ILDR2: variants seen among roughly 807,000 people sequenced by gnomAD.
The protein encoded by ILDR2 is immunoglobulin like domain containing receptor 2.
A neutral mutation model predicts 66.8 loss-of-function variants in ILDR2; 25 were observed. The ratio of observed to expected loss-of-function variants is 0.37; its 90% CI spans 0.27 to 0.52. The LOEUF (loss-of-function observed/expected upper bound fraction) is 0.52. ILDR2 is among the 20% of genes least tolerant of loss of function. The pLI, the probability that ILDR2 is intolerant of heterozygous loss-of-function variation, is 0.88. For synonymous variants in ILDR2, 367 were observed against 357.2 expected (o/e 1.03, Z -0.31); for missense variants, 827 against 876.8 (o/e 0.94, Z 0.72).
chr1:166,966,740 A>G (rs1662977385), intron 1 of ILDR2, among the ~76,000 whole-genome samples: 1 of 152,206 alleles, frequency 6.6e-6, no homozygotes, highest in Non-Finnish European at 1.5e-5. Flanking sequence ...AATGGGACAA[A>G]GCAGTGCTAA....
intron 4 of ILDR2, 47 bp downstream of exon 4, chr1:166,939,467 T>G (rs1344917712): frequency 6.7e-7 from 1 of 1,498,600 alleles, no homozygotes; most frequent in East Asian, 2.3e-5. Context: ...GCAAGACAGA[T>G]GGAATAACAG....
intron 6 of ILDR2, 61 bp from the exon 7 acceptor site, chr1:166,927,241 C>T: frequency 2.9e-6 from 3 of 1,051,570 alleles, no homozygotes; most frequent in Non-Finnish European, 4.3e-6. Context: ...AAGGAGGCCT[C>T]CATTTATTTT....
intron 3 of ILDR2, among the ~76,000 whole-genome samples, chr1:166,955,787 A>G (rs1173717861): frequency 1.3e-5 from 2 of 152,312 alleles, no homozygotes; most frequent in South Asian, 2.1e-4. Context: ...TATATAGGGT[A>G]CAAATCTACC....
Position 166,936,858 on chromosome 1 carries a change from T to C in ILDR2, c.557-121A>G, listed in dbSNP as rs1165215696. 5 of 921,014 alleles carry C rather than the reference T, an allele frequency of 5.4e-6. No homozygotes were observed. Among genetic ancestry groups the C allele is most frequent in the Non-Finnish European group, 8.4e-6 (5 of 594,608 alleles). The allele number at this position is 921,014 out of a possible 1,614,324, so 57.1% of individuals were successfully genotyped here. ...GGAGGGACCTAGGGAAGAAAGCTTC[T>C]CTTAACAGGAGACAGAGCCCCAACA... On this transcript the variant is annotated intron_variant, in intron 4 of 9. Coordinates refer to ENST00000271417, the MANE Select transcript of ILDR2 (RefSeq NM_199351.3). The surrounding 1 kb of genome is among the most constrained non-coding windows in gnomAD (Gnocchi z 5.0).
intron 1 of ILDR2, among the ~76,000 whole-genome samples, chr1:166,968,600 C>G (rs1663099962): frequency 6.6e-6 from 1 of 152,036 alleles, no homozygotes; most frequent in African/African-American, 2.4e-5. Flanking sequence ...TGCATTGGTC[C>G]CTGTAGGCAG....
chr1:166,919,094 T>C lies in ILDR2; in HGVS notation c.*261A>G, dbSNP rs1008325002. 2.7e-5 allele frequency: 14 copies of C among 517,160 alleles called. No individual in the cohort carries two copies. The highest frequency in any genetic ancestry group is 9.8e-5 in the Admixed American group (3 of 30,608). The allele number at this position is 517,160 out of a possible 1,614,324, so 32.0% of individuals were successfully genotyped here. ...GGAGGAGGCTGGGCAGGATAAACGCTATAGTTGAGAAACTCTGTATGTAGG... is the reference window on the plus strand; with the variant it reads ...GGAGGAGGCTGGGCAGGATAAACGCCATAGTTGAGAAACTCTGTATGTAGG... On this transcript the variant is annotated 3_prime_UTR_variant, in exon 10 of 10. Transcript: ENST00000271417.
intron 3 of ILDR2, among the ~76,000 whole-genome samples, chr1:166,946,475 G>GTTGGTTT (rs1661618657): frequency 6.8e-6 from 1 of 147,126 alleles, no homozygotes; most frequent in Non-Finnish European, 1.5e-5. Flanking sequence ...ATGCTTTGAG[G>GTTGGTTT]TTGGTTTTTT....
Position 166,922,456 on chromosome 1 carries a change from G to A in ILDR2, c.1211+137C>T, listed in dbSNP as rs1571106258. ...AATGTGAGATGTTCAATATCCTGTA[G>A]AAAGAGAGATGTGTCAGGATAACCT... On this transcript the variant is annotated intron_variant, in intron 8 of 9. Transcript: ENST00000271417. 4.4e-5 allele frequency: 31 copies of A among 708,172 alleles called. No individual in the cohort carries two copies. In the East Asian group the frequency reaches 7.6e-4, roughly 17 times the overall value. The allele number at this position is 708,172 out of a possible 1,614,324, so 43.9% of individuals were successfully genotyped here.
chr1:166,906,759 G>T (rs1350896117), downstream of ILDR2, among the ~76,000 whole-genome samples: 1 of 152,204 alleles, frequency 6.6e-6, no homozygotes, highest in African/African-American at 2.4e-5. Flanking sequence ...TGAGTTTTCT[G>T]CTTAGGAAAC....
chr1:166,971,140 C>T (rs1663265027), intron 1 of ILDR2, among the ~76,000 whole-genome samples: 2 of 152,170 alleles, frequency 1.3e-5, no homozygotes, highest in Non-Finnish European at 2.9e-5. Flanking sequence ...CTCCAGAGTA[C>T]AGATCTTTAT....
At chr1:166,944,101 A>G (rs1661477534) in intron 3 of ILDR2, among the ~76,000 whole-genome samples, 2 of 152,218 alleles carry the variant, frequency 1.3e-5, no homozygotes, top group African/African-American at 4.8e-5. Flanking sequence ...AGAGCTAAAC[A>G]CATTCACACG....
In ILDR2 at chr1:166,965,581, TG is replaced by T. The variant is rs780163841; in HGVS notation, c.47-7481del. ...TCAAGTTAGGTTTTGTTTTTTTTTT[TG>T]TTTTTTTTTTGACAGGGTCTCTCTC... On this transcript the variant is annotated intron_variant, in intron 1 of 9. Transcript: ENST00000271417. 4.6e-3 allele frequency among the ~76,000 whole-genome samples: 674 copies of T among 146,404 alleles called. 48 individuals carry two copies. Among genetic ancestry groups the T allele is most frequent in the African/African-American group, 0.016 (610 of 38,996 alleles).
At chr1:166,943,409 G>A (rs540138497) in intron 3 of ILDR2, among the ~76,000 whole-genome samples, 9 of 147,616 alleles carry the variant, frequency 6.1e-5, no homozygotes, top group African/African-American at 1.0e-4. Context: ...GGAGAATGGC[G>A]TAAACCCGGG....
At chr1:166,964,399 C>A (rs1488808236) in intron 1 of ILDR2, among the ~76,000 whole-genome samples, 1 of 152,140 alleles carries the variant, frequency 6.6e-6, no homozygotes, top group East Asian at 1.9e-4. Flanking sequence ...TTGAGAAATT[C>A]AATATAAAGT....
intron 1 of ILDR2, among the ~76,000 whole-genome samples, chr1:166,958,442 C>T (rs1321105843): frequency 6.6e-6 from 1 of 152,028 alleles, no homozygotes; most frequent in Non-Finnish European, 1.5e-5. Flanking sequence ...TGGTACTTCC[C>T]CCTTCACTCT....
At chr1:166,896,937 CT>C (rs1659177252) in intron 2 of ILDR2, among the ~76,000 whole-genome samples, 3 of 152,196 alleles carry the variant, frequency 2.0e-5, no homozygotes, top group South Asian at 4.1e-4. Flanking sequence ...GCCCAGCCTA[CT>C]TTTTTTACTT....
intron 3 of ILDR2, chr1:166,943,878 G>A (rs1661462296): frequency 1.0e-6 from 1 of 981,034 alleles, no homozygotes; most frequent in Non-Finnish European, 1.2e-6. Context: ...CCTGCAAATA[G>A]AAGGCCACAT....
At chr1:166,924,969 T>C (rs942437747) in intron 7 of ILDR2, among the ~76,000 whole-genome samples, 2 of 152,142 alleles carry the variant, frequency 1.3e-5, no homozygotes, top group Non-Finnish European at 2.9e-5. Context: ...TGAGCTGTGT[T>C]TGCGCCACTG....
Position 166,935,380 on chromosome 1 carries a change from G to T in ILDR2, c.801C>A (p.Ala267=). ...YSIPSVPLGG[A]PSSGMLMDKP... is the part of the protein sequence containing the mutation. ...TGTCCATCAGCATGCCAGATGAGGG[G>T]GCTCCTCCCAAAGGGACAGAGGGGA... The change falls in exon 6 of 10, where the codon GCC becomes GCA. Residue 267 remains alanine (A), a synonymous_variant. Coordinates refer to ENST00000271417, the MANE Select transcript of ILDR2 (RefSeq NM_199351.3). 6.2e-7 allele frequency: 1 copy of T among 1,614,112 alleles called. No individual in the cohort carries two copies. Among genetic ancestry groups the T allele is most frequent in the African/African-American group, 1.3e-5 (1 of 75,042 alleles).
Sources: gnomAD v4.1 joint callset for allele counts (sites outside exome capture counted in the v4.1 genomes callset) on GRCh38, gnomAD v4.1.1 for gene constraint, Gnocchi (gnomAD v3.1) non-coding constraint, MANE v1.5 for transcripts, NCBI Gene and HGNC (gene_info 2026-07-23, HGNC 2026-07-21) for gene names.